NBEA: variants seen among roughly 807,000 people sequenced by gnomAD.
NBEA encodes neurobeachin.
In NBEA, 44 loss-of-function variants were observed where a neutral mutation model predicts 343.4. That is an observed-to-expected ratio of 0.13 (90% CI 0.10 to 0.16). NBEA has a LOEUF of 0.16. NBEA is among the 10% of genes least tolerant of loss of function. The probability of loss-of-function intolerance (pLI) is 1.00; values close to 1 mark genes in which losing one functional copy is unlikely to be tolerated. For missense variants in NBEA, 2,555 were observed against 3,631.3 expected, an observed-to-expected ratio of 0.70 and a Z score of 7.62; for synonymous variants, 1,175 against 1,238.7, an observed-to-expected ratio of 0.95 and a Z score of 1.08.
At chr13:35,605,641 A>G (rs2082252385) in intron 47 of NBEA, among the ~76,000 whole-genome samples, 1 of 152,144 alleles carries the variant, frequency 6.6e-6, no homozygotes, top group African/African-American at 2.4e-5. Context: ...AACAACAAAA[A>G]CTTTCAGGGT....
chr13:35,475,395 C>A (rs1212562069), intron 41 of NBEA: 1 of 1,613,868 alleles, frequency 6.2e-7, no homozygotes, highest in Admixed American at 1.7e-5. Context: ...AGAGGCACTT[C>A]TTTCTGCAGC....
At chr13:35,164,240 A>T in intron 23 of NBEA, 116 bp from the exon 24 acceptor site, 1 of 873,394 alleles carries the variant, frequency 1.1e-6, no homozygotes, top group Non-Finnish European at 1.6e-6. Flanking sequence ...TTTATAATTT[A>T]ATTTTAAATA....
At chr13:35,063,597 T>C (rs1162698061) in intron 8 of NBEA, among the ~76,000 whole-genome samples, 1 of 152,002 alleles carries the variant, frequency 6.6e-6, no homozygotes, top group Admixed American at 6.6e-5. Context: ...AGGATTGTTA[T>C]GACTTTATTT....
chr13:35,162,673 G>A (rs1008814227), intron 23 of NBEA, among the ~76,000 whole-genome samples: 3 of 151,808 alleles, frequency 2.0e-5, no homozygotes, highest in African/African-American at 7.3e-5. Context: ...TCGTGAGCCA[G>A]CAGGATCACA....
chr13:35,232,438 T>A (rs972865399), intron 33 of NBEA, 54 bp from the exon 34 acceptor site: 4 of 1,185,296 alleles, frequency 3.4e-6, no homozygotes, highest in African/African-American at 1.6e-5. Flanking sequence ...TAAAGTTTAT[T>A]TGACATTTTA....
At position 34,942,934 on chromosome 13, in the gene NBEA, G is replaced by T; in HGVS notation, c.114G>T (p.Gly38=). The change falls in exon 1 of 59, where the codon GGG becomes GGT. Residue 38 remains glycine, a synonymous_variant. Coordinates refer to ENST00000379939, the MANE Select transcript of NBEA (RefSeq NM_001385012.1). ...GGGGSGGGGT[G]GSGMGELRGA... is the part of the protein sequence containing the mutation. Reference sequence around the variant, plus strand: ...GGGGCAGCGGTGGTGGCGGCACCGGGGGCAGCGGGATGGGGGAGCTAAGGG... The same window carrying T: ...GGGGCAGCGGTGGTGGCGGCACCGGTGGCAGCGGGATGGGGGAGCTAAGGG... The T allele has an allele frequency of 6.4e-6, 10 of 1,563,260 alleles. No individual in the cohort carries two copies. The highest frequency in any genetic ancestry group is 8.7e-6 in the Non-Finnish European group (10 of 1,154,690).
chr13:35,329,584 C>A (rs1161769672), intron 36 of NBEA, among the ~76,000 whole-genome samples: 3 of 151,834 alleles, frequency 2.0e-5, no homozygotes, highest in African/African-American at 7.3e-5. Flanking sequence ...TGAAAGAAGC[C>A]AAACAGCAAA....
chr13:34,970,714 T>C (rs1193189415), intron 1 of NBEA, among the ~76,000 whole-genome samples: 1 of 151,738 alleles, frequency 6.6e-6, no homozygotes, highest in East Asian at 1.9e-4. Context: ...ATTTCTGGGT[T>C]CTTTTTTCTG....
chr13:34,992,592 G>T (rs1406475517), intron 1 of NBEA, among the ~76,000 whole-genome samples: 3 of 151,728 alleles, frequency 2.0e-5, no homozygotes, highest in African/African-American at 4.8e-5. Context: ...CATTTGACTT[G>T]GTAACGAGGT....
rs1431755285 is a variant in NBEA at position 35,651,795 on chromosome 13, T to C, written c.7964-10T>C. The C allele has an allele frequency of 2.0e-6, 3 of 1,507,458 alleles. No homozygotes were observed. In the African/African-American group the frequency reaches 4.1e-5, roughly 21 times the overall value. The allele number at this position is 1,507,458 out of a possible 1,614,324, so 93.4% of individuals were successfully genotyped here. A position where few individuals can be genotyped will look rare whatever the true frequency, so the allele number is the denominator to read the frequency against. On this transcript the variant is annotated splice_polypyrimidine_tract_variant and intron_variant, in intron 52 of 58. Transcript: ENST00000379939. ...TTATGTTAGTTTTTCTCTCTTTTTTTAATCTTTAGGCCTCAGAGGAGCTCC... is the reference window on the plus strand; with the variant it reads ...TTATGTTAGTTTTTCTCTCTTTTTTCAATCTTTAGGCCTCAGAGGAGCTCC...
chr13:35,647,116 A>G (rs1471188217), intron 51 of NBEA, among the ~76,000 whole-genome samples: 2 of 151,998 alleles, frequency 1.3e-5, no homozygotes, highest in African/African-American at 4.8e-5. Flanking sequence ...TCTGAATTTA[A>G]AAGTCCATTT....
chr13:35,579,659 A>T (rs1441175165), intron 45 of NBEA, among the ~76,000 whole-genome samples: 2 of 152,144 alleles, frequency 1.3e-5, no homozygotes, highest in African/African-American at 2.4e-5. Flanking sequence ...CCCATTAAAA[A>T]TTTTAAAAAA....
intron 30 of NBEA, among the ~76,000 whole-genome samples, chr13:35,188,234 A>G (rs956390353): frequency 2.7e-5 from 4 of 150,068 alleles, no homozygotes; most frequent in African/African-American, 9.8e-5. Flanking sequence ...TAATGTCTTC[A>G]TCACCTCACG....
intron 44 of NBEA, among the ~76,000 whole-genome samples, chr13:35,563,401 A>G (rs2079974587): frequency 6.6e-6 from 1 of 151,914 alleles, no homozygotes. Context: ...TCATTTCACA[A>G]AGGTGTTCAG....
At chr13:34,947,251 C>G (rs868718334) in intron 1 of NBEA, among the ~76,000 whole-genome samples, 16 of 152,004 alleles carry the variant, frequency 1.1e-4, no homozygotes, top group African/African-American at 3.4e-4. Flanking sequence ...CATAATGACA[C>G]TAAGGCAGCA....
At chr13:35,588,136 G>A (rs2081366735) in intron 46 of NBEA, among the ~76,000 whole-genome samples, 1 of 152,050 alleles carries the variant, frequency 6.6e-6, no homozygotes, top group Non-Finnish European at 1.5e-5. Context: ...TATTTACAGT[G>A]CATCTCAATT....
chr13:35,031,427 G>A (rs181395492), intron 1 of NBEA, among the ~76,000 whole-genome samples: 1 of 151,772 alleles, frequency 6.6e-6, no homozygotes, highest in East Asian at 1.9e-4. Context: ...ATTTGATTTT[G>A]CTGGAAACAT....
intron 18 of NBEA, among the ~76,000 whole-genome samples, 157 bp from the exon 19 acceptor site, chr13:35,155,617 G>A (rs1002611171): frequency 4.0e-4 from 61 of 152,122 alleles, no homozygotes; most frequent in Middle Eastern, 3.2e-3. Context: ...GTGAAACTCC[G>A]TCTTGAAAGA....
chr13:35,664,914 C>T (rs115838385), intron 55 of NBEA, among the ~76,000 whole-genome samples, 171 bp from the exon 56 acceptor site: 197 of 152,352 alleles, frequency 1.3e-3, no homozygotes, highest in African/African-American at 4.6e-3. Context: ...GCTAGTTATG[C>T]GCATTTCACA....
Sources: gnomAD v4.1 joint callset for allele counts (sites outside exome capture counted in the v4.1 genomes callset) on GRCh38, gnomAD v4.1.1 for gene constraint, MANE v1.5 for transcripts, NCBI Gene and HGNC (gene_info 2026-07-23, HGNC 2026-07-21) for gene names.